CUL3: variants seen among roughly 807,000 people sequenced by gnomAD.
CUL3 encodes the protein cullin-3.
A neutral mutation model predicts 89.1 loss-of-function variants in CUL3; 19 were observed. The observed-to-expected ratio is 0.21, with a 90% CI of 0.15 to 0.31. The LOEUF is 0.31. Among genes scored for constraint, CUL3 ranks in the 10% least tolerant of loss-of-function variants. The pLI, the probability that CUL3 is intolerant of heterozygous loss-of-function variation, is 1.00. For missense variants in CUL3, 469 were observed against 942.3 expected (o/e 0.50, Z 6.58); for synonymous variants, 351 against 308.4 (o/e 1.14, Z -1.45).
chr2:224,508,931 C>A (rs993918377), intron 6 of CUL3, among the ~76,000 whole-genome samples: 1 of 129,214 alleles, frequency 7.7e-6, no homozygotes, highest in Non-Finnish European at 1.5e-5. Flanking sequence ...CACTGCACTC[C>A]AGCCTGGGCG....
chr2:224,515,598 C>T (rs1000671178), intron 3 of CUL3, among the ~76,000 whole-genome samples: 1 of 152,112 alleles, frequency 6.6e-6, no homozygotes, highest in African/African-American at 2.4e-5. Flanking sequence ...GATTCTTGAA[C>T]ATGAATCTAC....
chr2:224,480,099 A>AGGTGGT (rs71062931), intron 14 of CUL3: 3 of 151,316 alleles, frequency 2.0e-5, no homozygotes, highest in South Asian at 2.0e-4. Flanking sequence ...TGAGAAAGGC[A>AGGTGGT]GGTGGTGGTG....
At chr2:224,541,082 C>A (rs1694085174) in intron 2 of CUL3, among the ~76,000 whole-genome samples, 1 of 151,330 alleles carries the variant, frequency 6.6e-6, no homozygotes, top group South Asian at 2.1e-4. Context: ...ATACCAAAAG[C>A]ATAATTTATA....
intron 10 of CUL3, among the ~76,000 whole-genome samples, chr2:224,501,771 G>T (rs1285510605): frequency 6.6e-6 from 1 of 152,010 alleles, no homozygotes; most frequent in African/African-American, 2.4e-5. Flanking sequence ...GGGAAGGGAG[G>T]GTCACAAAGT....
At chr2:224,526,252 T>C (rs1693468717) in intron 3 of CUL3, among the ~76,000 whole-genome samples, 1 of 152,114 alleles carries the variant, frequency 6.6e-6, no homozygotes, top group South Asian at 2.1e-4. Context: ...AGAGTCCACT[T>C]TATGTATACA....
intron 2 of CUL3, among the ~76,000 whole-genome samples, chr2:224,550,168 A>C (rs371562548): frequency 3.2e-4 from 48 of 152,180 alleles, no homozygotes; most frequent in African/African-American, 9.6e-4. Flanking sequence ...GAAGTGTTTC[A>C]ATTTTCAGAT....
At chr2:224,579,454 T>C (rs777692472) in intron 1 of CUL3, among the ~76,000 whole-genome samples, 1 of 150,394 alleles carries the variant, frequency 6.6e-6, no homozygotes, top group Non-Finnish European at 1.5e-5. Flanking sequence ...TTCCCTCAAA[T>C]CTGGCAAACA....
intron 9 of CUL3, among the ~76,000 whole-genome samples, 173 bp downstream of exon 9, chr2:224,503,479 C>CG (rs1692474860): frequency 6.6e-6 from 1 of 152,178 alleles, no homozygotes; most frequent in Non-Finnish European, 1.5e-5. Context: ...CTGAATGTCC[C>CG]TGAACTTGAA....
At chr2:224,581,350 C>T (rs900047409) in intron 1 of CUL3, among the ~76,000 whole-genome samples, 3 of 149,698 alleles carry the variant, frequency 2.0e-5, no homozygotes, top group African/African-American at 4.9e-5. Context: ...GAGCTGAAAC[C>T]GTGCCACTGC....
chr2:224,494,827 AG>A (rs1448483109), intron 13 of CUL3, among the ~76,000 whole-genome samples: 1 of 152,196 alleles, frequency 6.6e-6, no homozygotes, highest in Non-Finnish European at 1.5e-5. Flanking sequence ...TTACAAATTC[AG>A]GGTAGGCAAT....
chr2:224,557,929 A>T (rs867326965), intron 1 of CUL3, 73 bp from the exon 2 acceptor site: 1 of 831,424 alleles, frequency 1.2e-6, no homozygotes. Flanking sequence ...GTCTTTCTAT[A>T]TTTGTCCATA....
chr2:224,515,318 T>C (rs1020608898), intron 3 of CUL3, among the ~76,000 whole-genome samples: 17 of 152,266 alleles, frequency 1.1e-4, no homozygotes, highest in African/African-American at 3.9e-4. Flanking sequence ...TTTCAAGTTC[T>C]TACCAACATG....
intron 10 of CUL3, among the ~76,000 whole-genome samples, chr2:224,502,313 A>AAGGTTTCAACTT (rs1692423152): frequency 6.6e-6 from 1 of 152,218 alleles, no homozygotes; most frequent in Admixed American, 6.5e-5. Flanking sequence ...ACAATTCTCT[A>AAGGTTTCAACTT]AACTTAAGGT....
chr2:224,487,989 G>C (rs540361280), intron 13 of CUL3, among the ~76,000 whole-genome samples: 1 of 152,280 alleles, frequency 6.6e-6, no homozygotes, highest in Non-Finnish European at 1.5e-5. Flanking sequence ...ACCTGTTCCT[G>C]AATGACTAGT....
At chr2:224,530,681 T>C (rs933753646) in intron 3 of CUL3, among the ~76,000 whole-genome samples, 1 of 151,850 alleles carries the variant, frequency 6.6e-6, no homozygotes, top group African/African-American at 2.4e-5. Flanking sequence ...CTGAGGCGGG[T>C]AGATCACTTG....
chr2:224,551,558 G>T (rs1156831524), intron 2 of CUL3, among the ~76,000 whole-genome samples: 1 of 150,942 alleles, frequency 6.6e-6, no homozygotes, highest in Admixed American at 6.6e-5. Flanking sequence ...GCTCAGGCTG[G>T]TCTCAAAACT....
chr2:224,509,776 C>A (rs994457429), intron 6 of CUL3, among the ~76,000 whole-genome samples: 1 of 152,236 alleles, frequency 6.6e-6, no homozygotes, highest in Non-Finnish European at 1.5e-5. Context: ...AGAAAGCATT[C>A]ATTCAATACC....
chr2:224,535,653 A>G lies in CUL3; in HGVS notation c.265-12T>C. ...ACATCTTCTCGCACCTAGTAACAGA[A>G]GAGTTCATTAGTTTGCACACACACA... On this transcript the variant is annotated splice_polypyrimidine_tract_variant and intron_variant, in intron 2 of 15. Transcript: ENST00000264414. 6.4e-7 allele frequency: 1 copy of G among 1,554,230 alleles called. No individual in the cohort carries two copies. The highest frequency in any genetic ancestry group is 8.9e-7 in the Non-Finnish European group (1 of 1,125,904).
chr2:224,481,778 G>A, intron 14 of CUL3, 114 bp downstream of exon 14: 1 of 650,160 alleles, frequency 1.5e-6, no homozygotes, highest in Non-Finnish European at 2.3e-6. Flanking sequence ...TTAAGCCTAA[G>A]TATCATGCAG....
Sources: gnomAD v4.1 joint callset for allele counts (sites outside exome capture counted in the v4.1 genomes callset) on GRCh38, gnomAD v4.1.1 for gene constraint, MANE v1.5 for transcripts, NCBI Gene and HGNC (gene_info 2026-07-23, HGNC 2026-07-21) for gene names.